The following RIBC2 variants were observed in gnomAD, a reference collection of about 807,000 sequenced individuals.
The protein encoded by RIBC2 is RIB43A-like with coiled-coils protein 2.
In RIBC2, 40 loss-of-function variants were observed where a neutral mutation model predicts 44.3. The observed-to-expected ratio is 0.90, with a 90% CI of 0.70 to 1.18. The LOEUF is 1.18. Ranked by LOEUF, RIBC2 falls within the 50% of genes most tolerant of loss-of-function variation. The pLI is 0.00. For missense variants in RIBC2, 459 were observed against 485.5 expected (o/e 0.95, Z 0.51); for synonymous variants, 171 against 175.0 (o/e 0.98, Z 0.18).
chr22:45,429,484 G>C (rs933492296), intron 5 of RIBC2, among the ~76,000 whole-genome samples: 5 of 152,250 alleles, frequency 3.3e-5, no homozygotes, highest in Admixed American at 3.3e-4. Context: ...GTAAGCTTCT[G>C]ATCTGGTGGG....
chr22:45,413,752 C>A lies in RIBC2; in HGVS notation c.-135C>A. On this transcript the variant is annotated 5_prime_UTR_variant, in exon 1 of 7. Coordinates refer to ENST00000614167, the MANE Select transcript of RIBC2 (RefSeq NM_015653.5). ...TACCTCTGCGGCGTCACTGGGAGCCCGACGGAAAACTGCGCTAAAGGCTTG... is the reference window on the plus strand; with the variant it reads ...TACCTCTGCGGCGTCACTGGGAGCCAGACGGAAAACTGCGCTAAAGGCTTG... The A allele has an allele frequency of 7.6e-7, 1 of 1,316,236 alleles. No individual in the cohort carries two copies. Among genetic ancestry groups the A allele is most frequent in the South Asian group, 1.5e-5 (1 of 66,348 alleles). 81.5% of individuals were successfully genotyped at this position (1,316,236 alleles called of 1,614,324 possible).
intron 3 of RIBC2, among the ~76,000 whole-genome samples, chr22:45,422,026 G>A (rs1489992072): frequency 1.3e-5 from 2 of 152,160 alleles, no homozygotes; most frequent in East Asian, 3.9e-4. Flanking sequence ...CTTGCCCACT[G>A]TAAGGATGTA....
intron 3 of RIBC2, among the ~76,000 whole-genome samples, chr22:45,421,535 TTAATAATATTAATAA>T (rs201810002): frequency 0.12 from 4,078 of 34,650 alleles, 159 homozygotes; most frequent in African/African-American, 0.29. Flanking sequence ...AATAGTATTA[TTAATAATATTAATAA>T]TAATAATAGT....
In RIBC2 at chr22:45,417,622, GACAA is replaced by G. The variant is rs374600929; in HGVS notation, c.234_237del (p.Asp78GlufsTer43). ...TCCAGCTGCTGAAATGAGGCAAAAT[GACAA>G]AATCATGTGCATATTGGAAAACCGG... On this transcript the variant is annotated frameshift_variant, in exon 3 of 7. Coordinates refer to ENST00000614167, the MANE Select transcript of RIBC2 (RefSeq NM_015653.5). LOFTEE classifies it high-confidence loss of function. 1.1e-5 allele frequency: 17 copies of G among 1,610,826 alleles called. No individual in the cohort carries two copies. In the African/African-American group the frequency reaches 2.3e-4, roughly 22 times the overall value.
intron 6 of RIBC2, 33 bp from the exon 7 acceptor site, chr22:45,432,251 G>A: frequency 8.0e-7 from 1 of 1,245,870 alleles, no homozygotes; most frequent in Non-Finnish European, 1.1e-6. Context: ...ATACACATTT[G>A]CTGACCTTTT....
intron 4 of RIBC2, 189 bp downstream of exon 4, chr22:45,422,597 A>C (rs1381759245): frequency 3.3e-6 from 2 of 599,108 alleles, no homozygotes; most frequent in African/African-American, 3.7e-5. Flanking sequence ...CCTGTGCCTT[A>C]GCTCTGAATC....
At chr22:45,414,489 T>A (rs1242404434) in intron 2 of RIBC2, 86 bp downstream of exon 2, 3 of 420,294 alleles carry the variant, frequency 7.1e-6, no homozygotes, top group East Asian at 6.0e-5. Context: ...CTGCCCCGCC[T>A]TTTTTTTTTT....
chr22:45,427,762 G>T (rs1383151638), intron 5 of RIBC2, among the ~76,000 whole-genome samples: 1 of 152,206 alleles, frequency 6.6e-6, no homozygotes, highest in Non-Finnish European at 1.5e-5. Context: ...AGCCTCCCCA[G>T]TAGTTGGGAT....
At chr22:45,422,168 T>G in intron 3 of RIBC2, 122 bp from the exon 4 acceptor site, 23 of 704,384 alleles carry the variant, frequency 3.3e-5, no homozygotes, top group East Asian at 5.1e-5. Flanking sequence ...GGTCCTGTCA[T>G]TATTGTTCCC....
chr22:45,418,641 A>T (rs186691296), intron 3 of RIBC2, among the ~76,000 whole-genome samples: 25 of 152,258 alleles, frequency 1.6e-4, no homozygotes, highest in African/African-American at 5.8e-4. Flanking sequence ...CGGGTGATGG[A>T]ATAGTGAGGA....
intron 5 of RIBC2, 62 bp downstream of exon 5, chr22:45,426,237 C>G (rs2087534002): frequency 1.4e-6 from 2 of 1,416,792 alleles, no homozygotes; most frequent in African/African-American, 1.4e-5. Context: ...CCACTGCCTT[C>G]CAGGCACAAA....
chr22:45,421,459 G>T (rs1324826294), intron 3 of RIBC2, among the ~76,000 whole-genome samples: 1 of 144,898 alleles, frequency 6.9e-6, no homozygotes, highest in African/African-American at 2.5e-5. Context: ...AACTTCTCTT[G>T]GATGTCTAAT....
At position 45,415,619 on chromosome 22, in the gene RIBC2, AT is replaced by A. The variant is rs1342720344; in HGVS notation, c.211+1217del. 6.0e-5 allele frequency among the ~76,000 whole-genome samples: 9 copies of A among 150,858 alleles called. No homozygotes were observed. In the East Asian group the frequency reaches 1.2e-3, roughly 19 times the overall value. ...TATATATGTGTATATATATATATAT[AT>A]ATATAACAACACTGCCCTGCCCCCT... is the stretch of plus-strand genomic sequence containing the variant. On this transcript the variant is annotated intron_variant, in intron 2 of 6. Transcript: ENST00000614167.
At chr22:45,419,458 G>T (rs1370109858) in intron 3 of RIBC2, among the ~76,000 whole-genome samples, 2 of 152,096 alleles carry the variant, frequency 1.3e-5, no homozygotes, top group Non-Finnish European at 2.9e-5. Flanking sequence ...TCTCGGCTGG[G>T]CGCAGTGGCT....
At chr22:45,419,779 C>T (rs1451001168) in intron 3 of RIBC2, among the ~76,000 whole-genome samples, 2 of 151,952 alleles carry the variant, frequency 1.3e-5, no homozygotes, top group African/African-American at 2.4e-5. Context: ...GTAATCCCAG[C>T]ACTTTGGGAG....
At chr22:45,423,840 T>A (rs1453209221) in intron 4 of RIBC2, among the ~76,000 whole-genome samples, 2 of 152,194 alleles carry the variant, frequency 1.3e-5, no homozygotes, top group Non-Finnish European at 2.9e-5. Flanking sequence ...GGCTGTTTGC[T>A]CCAGTCCCCA....
At chr22:45,415,874 A>G (rs963641801) in intron 2 of RIBC2, among the ~76,000 whole-genome samples, 3 of 151,900 alleles carry the variant, frequency 2.0e-5, no homozygotes, top group East Asian at 3.9e-4. Context: ...TGATTTTTGT[A>G]TTTTTAGTAG....
chr22:45,424,269 G>A (rs963942638), intron 4 of RIBC2, among the ~76,000 whole-genome samples: 1 of 152,154 alleles, frequency 6.6e-6, no homozygotes, highest in Non-Finnish European at 1.5e-5. Flanking sequence ...CAAGCAGGCC[G>A]GTCCAGTTCA....
chr22:45,414,206 A>C, intron 1 of RIBC2, 116 bp from the exon 2 acceptor site: 1 of 1,483,282 alleles, frequency 6.7e-7, no homozygotes, highest in Non-Finnish European at 8.9e-7. Flanking sequence ...CCTGAGCCAG[A>C]TTTTCTACAA....
Sources: gnomAD v4.1 joint callset for allele counts (sites outside exome capture counted in the v4.1 genomes callset) on GRCh38, gnomAD v4.1.1 for gene constraint, MANE v1.5 for transcripts, NCBI Gene and HGNC (gene_info 2026-07-23, HGNC 2026-07-21) for gene names.